Variants in LOXL3 observed in about 807,000 individuals in gnomAD.
LOXL3 encodes the protein lysyl oxidase like 3.
Under a neutral mutation model 91.8 loss-of-function variants are expected in LOXL3, and 60 were observed. The ratio of observed to expected loss-of-function variants is 0.65; its 90% CI spans 0.53 to 0.81. The LOEUF (loss-of-function observed/expected upper bound fraction) is 0.81, where lower values mean the gene tolerates loss of function less well. LOXL3 is among the 30% of genes least tolerant of loss of function. The pLI is 0.00. For synonymous variants in LOXL3, 355 were observed against 387.6 expected (o/e 0.92, Z 0.99); for missense variants, 874 against 1,000.4 (o/e 0.87, Z 1.70).
At chr2:74,538,984 AGCT>A (rs1676170713) in intron 4 of LOXL3, among the ~76,000 whole-genome samples, 1 of 152,206 alleles carries the variant, frequency 6.6e-6, no homozygotes, top group Non-Finnish European at 1.5e-5. Context: ...GATTTCTAAG[AGCT>A]GCTGCTGCTC....
Position 74,533,079 on chromosome 2 carries a change from C to G in LOXL3, c.*527G>C, listed in dbSNP as rs79220020. The G allele has an allele frequency of 1.6e-6, 2 of 1,228,688 alleles. No individual in the cohort carries two copies. Among genetic ancestry groups the G allele is most frequent in the East Asian group, 4.7e-5 (2 of 42,918 alleles). The allele number at this position is 1,228,688 out of a possible 1,614,324, so 76.1% of individuals were successfully genotyped here. On this transcript the variant is annotated 3_prime_UTR_variant, in exon 14 of 14. Coordinates refer to ENST00000264094, the MANE Select transcript of LOXL3 (RefSeq NM_032603.5). ...GCACCGAGACAGAGGGTTAAATGAACCAGTGGGGGCAGGTCCCTCCAACCA... is the reference window on the plus strand; with the variant it reads ...GCACCGAGACAGAGGGTTAAATGAAGCAGTGGGGGCAGGTCCCTCCAACCA...
chr2:74,555,659 A>C, upstream of LOXL3: 2 of 1,613,968 alleles, frequency 1.2e-6, no homozygotes, highest in Admixed American at 1.7e-5. This position sits in a 1 kb window ranked among gnomAD's most constrained non-coding sequence, Gnocchi z 6.1. Flanking sequence ...GTACAGCCCT[A>C]CCTGGGAAGG....
Position 74,533,001 on chromosome 2 carries a change from T to G in LOXL3, c.*605A>C. 1 of 1,611,296 alleles carries G rather than the reference T, an allele frequency of 6.2e-7. No individual in the cohort carries two copies. The highest frequency in any genetic ancestry group is 8.5e-7 in the Non-Finnish European group (1 of 1,178,532). On this transcript the variant is annotated 3_prime_UTR_variant, in exon 14 of 14. Coordinates refer to ENST00000264094, the MANE Select transcript of LOXL3 (RefSeq NM_032603.5). Reference sequence around the variant, plus strand: ...CACAGAATGAATAGATCACCAAGAGTATGAGGCTCCTGCTCTGATTTCCTC... The same window carrying G: ...CACAGAATGAATAGATCACCAAGAGGATGAGGCTCCTGCTCTGATTTCCTC...
In LOXL3 at chr2:74,532,707, G is replaced by C. The variant is rs753067242; in HGVS notation, c.*899C>G. The C allele has an allele frequency of 1.2e-6, 2 of 1,613,410 alleles. No homozygotes were observed. Among genetic ancestry groups the C allele is most frequent in the Non-Finnish European group, 1.7e-6 (2 of 1,179,484 alleles). Reference sequence around the variant, plus strand: ...CCATAAAGTCATCCTGGGCTCCCCTGCACACCGGTGAGGGAGAGGCTGCAG... The same window carrying C: ...CCATAAAGTCATCCTGGGCTCCCCTCCACACCGGTGAGGGAGAGGCTGCAG... On this transcript the variant is annotated 3_prime_UTR_variant, in exon 14 of 14. Coordinates refer to ENST00000264094, the MANE Select transcript of LOXL3 (RefSeq NM_032603.5).
chr2:74,545,401 A>T (rs943924659), intron 4 of LOXL3, among the ~76,000 whole-genome samples: 1 of 152,128 alleles, frequency 6.6e-6, no homozygotes, highest in Non-Finnish European at 1.5e-5. Context: ...TTTATTTGTA[A>T]TTTTTCTATA....
At chr2:74,552,911 T>A in intron 1 of LOXL3, 1 of 420,788 alleles carries the variant, frequency 2.4e-6, no homozygotes, top group Non-Finnish European at 4.2e-6. Flanking sequence ...CAGAGAAGGG[T>A]CAATAAAAAG....
At chr2:74,552,736 A>G (rs1318991684) in intron 1 of LOXL3, 90 bp from the exon 2 acceptor site, 1 of 1,140,646 alleles carries the variant, frequency 8.8e-7, no homozygotes, top group African/African-American at 1.6e-5. Flanking sequence ...CGAAAGAAAA[A>G]CAGACACTGA....
rs371469750 is a variant in LOXL3, at chr2:74,533,911, T to C, written c.2159A>G (p.His720Arg). Residue 720 changes from histidine (H) to arginine (R), a missense_variant, in exon 13 of 14, where the codon CAT becomes CGT. Physicochemically the swap from His to Arg is conservative, Grantham distance 29 (BLOSUM62 0). Transcript: ENST00000264094. ...GTGGCAGTTGTGCACCCAGATTCTA[T>C]GTCCATCATATTTGCAGTTACATTT... Reference protein sequence around the residue: ...AMKCNCKYDGHRIWVHNCHIG... With the variant: ...AMKCNCKYDGRRIWVHNCHIG... 19 of 1,614,146 alleles carry C rather than the reference T, an allele frequency of 1.2e-5. No individual in the cohort carries two copies. The highest frequency in any genetic ancestry group is 1.5e-5 in the Non-Finnish European group (18 of 1,179,968).
At chr2:74,550,966 C>T (rs1018306743) in intron 2 of LOXL3, among the ~76,000 whole-genome samples, 1 of 151,294 alleles carries the variant, frequency 6.6e-6, no homozygotes, top group Non-Finnish European at 1.5e-5. Flanking sequence ...GAAGTCTTGC[C>T]CTGTTGCCTA....
chr2:74,553,780 C>G (rs1056416469), intron 1 of LOXL3, 96 bp downstream of exon 1: 1 of 152,662 alleles, frequency 6.6e-6, no homozygotes, highest in Non-Finnish European at 1.5e-5. Context: ...GGTGGCTTCC[C>G]CTCGACTCCA....
upstream of LOXL3, chr2:74,554,975 T>C: frequency 1.4e-6 from 2 of 1,412,432 alleles, no homozygotes; most frequent in South Asian, 2.5e-5. This position sits in a 1 kb window ranked among gnomAD's most constrained non-coding sequence, Gnocchi z 4.9. Flanking sequence ...GAAGCGTCTG[T>C]AGTCTAGGGG....
intron 4 of LOXL3, 76 bp from the exon 5 acceptor site, chr2:74,537,004 TCATGCCTCCAC>T: frequency 8.5e-7 from 1 of 1,175,300 alleles, no homozygotes; most frequent in Non-Finnish European, 1.2e-6. Context: ...TCCTCCCACT[TCATGCCTCCAC>T]CATGCCCCCC....
Position 74,535,479 on chromosome 2 carries a change from G to A in LOXL3, c.1417-25C>T, listed in dbSNP as rs868263935. On this transcript the variant is annotated intron_variant, in intron 8 of 13. Coordinates refer to ENST00000264094, the MANE Select transcript of LOXL3 (RefSeq NM_032603.5). The surrounding 1 kb of genome is among the most constrained non-coding windows in gnomAD (Gnocchi z 4.2). ...CCTGGGGACATATGCAGATGTTTCT[G>A]TAAGGCCCAGGATCCAGCATCTTGG... 1.2e-6 allele frequency: 2 copies of A among 1,613,226 alleles called. No homozygotes were observed. Among genetic ancestry groups the A allele is most frequent in the Non-Finnish European group, 1.7e-6 (2 of 1,179,984 alleles).
chr2:74,551,221 A>G (rs1297718332), intron 2 of LOXL3, among the ~76,000 whole-genome samples: 1 of 152,374 alleles, frequency 6.6e-6, no homozygotes, highest in Non-Finnish European at 1.5e-5. Context: ...GGCGTGAGCC[A>G]CTGAGCCCGG....
upstream of LOXL3, chr2:74,555,248 G>T (rs759486692): frequency 3.2e-5 from 51 of 1,613,832 alleles, no homozygotes; most frequent in Non-Finnish European, 3.4e-5. This position sits in a 1 kb window ranked among gnomAD's most constrained non-coding sequence, Gnocchi z 6.1. Flanking sequence ...AGCTCTGGGG[G>T]TGGCCGAGGG....
chr2:74,532,764 G>A lies in LOXL3; in HGVS notation c.*842C>T. On this transcript the variant is annotated 3_prime_UTR_variant, in exon 14 of 14. Coordinates refer to ENST00000264094, the MANE Select transcript of LOXL3 (RefSeq NM_032603.5). ...ATGGGGATGGGCAAGGTGTGCATGTGTCCTTGAACTAGGCTTTGTACTCCT... is the reference window on the plus strand; with the variant it reads ...ATGGGGATGGGCAAGGTGTGCATGTATCCTTGAACTAGGCTTTGTACTCCT... 1 of 1,612,518 alleles carries A rather than the reference G, an allele frequency of 6.2e-7. No homozygotes were observed. The highest frequency in any genetic ancestry group is 8.5e-7 in the Non-Finnish European group (1 of 1,178,610).
rs752150504 is a variant in LOXL3 at position 74,534,155 on chromosome 2, A to T, written c.2021T>A (p.Ile674Asn). ...VGCWDLYRHD[I>N]DCQWIDITDV... Reference sequence around the variant, plus strand: ...CGTGATGTCAATCCACTGACAGTCAATGTCATGCCGGTAGAGATCCCAGCA... The same window carrying T: ...CGTGATGTCAATCCACTGACAGTCATTGTCATGCCGGTAGAGATCCCAGCA... The change falls in exon 12 of 14, where the codon ATT becomes AAT. Residue 674 changes from isoleucine (I) to asparagine (N), a missense_variant. By Grantham distance (149) the Ile-to-Asn change is moderately radical. Coordinates refer to ENST00000264094, the MANE Select transcript of LOXL3 (RefSeq NM_032603.5). 6.2e-7 allele frequency: 1 copy of T among 1,614,202 alleles called. No homozygotes were observed. The highest frequency in any genetic ancestry group is 1.1e-5 in the South Asian group (1 of 91,078).
In LOXL3 at chr2:74,534,712, G is replaced by A; in HGVS notation, c.1642C>T (p.Pro548Ser). The change falls in exon 10 of 14, where the codon CCC (proline) becomes TCC (serine). Residue 548 changes from proline (P) to serine (S), a missense_variant. Coordinates refer to ENST00000264094, the MANE Select transcript of LOXL3 (RefSeq NM_032603.5). ...VQETAYIEDR[P>S]LHMLYCAAEE... is the part of the protein sequence containing the mutation. ...GCAGCACAGTACAACATATGCAGGG[G>A]CCGGTCTTCGATGTAGGCGGTCTCC... is the stretch of plus-strand genomic sequence containing the variant. The A allele has an allele frequency of 1.2e-6, 2 of 1,614,202 alleles. No individual in the cohort carries two copies. The highest frequency in any genetic ancestry group is 2.2e-5 in the East Asian group (1 of 44,886).
At chr2:74,551,069 G>A (rs1250733450) in intron 2 of LOXL3, among the ~76,000 whole-genome samples, 2 of 152,058 alleles carry the variant, frequency 1.3e-5, no homozygotes, top group Non-Finnish European at 2.9e-5. Context: ...AGTAGCTGGG[G>A]CTACAAGCAT....
Sources: allele counts gnomAD v4.1 joint callset (sites outside exome capture counted in the v4.1 genomes callset), GRCh38; gene constraint gnomAD v4.1.1; non-coding constraint Gnocchi (gnomAD v3.1); transcripts MANE v1.5; gene names NCBI Gene and HGNC (gene_info 2026-07-23, HGNC 2026-07-21).